The following CDH18 variants were observed in gnomAD, a reference collection of about 807,000 sequenced individuals.
CDH18 encodes cadherin 18.
A neutral mutation model predicts 67.9 loss-of-function variants in CDH18; 31 were observed. That is an observed-to-expected ratio of 0.46 (90% CI 0.34 to 0.62). The LOEUF (loss-of-function observed/expected upper bound fraction) is 0.62. Ranked by LOEUF, CDH18 falls within the 20% of genes least tolerant of loss-of-function variation. The pLI is 0.01. For synonymous variants in CDH18, 362 were observed against 347.2 expected, an observed-to-expected ratio of 1.04 and a Z score of -0.48; for missense variants, 890 against 975.5, an observed-to-expected ratio of 0.91 and a Z score of 1.17.
chr5:20,565,571 T>C (rs974736546), intron 1 of CDH18, among the ~76,000 whole-genome samples: 6 of 152,036 alleles, frequency 3.9e-5, no homozygotes, highest in Admixed American at 2.0e-4. Context: ...AATGTTTAAA[T>C]TGGTGCTTGA....
At chr5:20,489,855 T>C (rs1279226520) in intron 1 of CDH18, among the ~76,000 whole-genome samples, 1 of 151,812 alleles carries the variant, frequency 6.6e-6, no homozygotes, top group Admixed American at 6.6e-5. Context: ...TATTCAAGCT[T>C]TTTTTAATGC....
intron 1 of CDH18, among the ~76,000 whole-genome samples, chr5:20,361,923 A>G (rs1742118783): frequency 1.3e-5 from 2 of 152,186 alleles, no homozygotes; most frequent in Non-Finnish European, 2.9e-5. Context: ...AAAGAATATC[A>G]GTAAACGTTT....
At chr5:20,405,715 T>C (rs1207904983) in intron 1 of CDH18, among the ~76,000 whole-genome samples, 4 of 152,126 alleles carry the variant, frequency 2.6e-5, no homozygotes, top group African/African-American at 9.7e-5. Context: ...ATCCAGAATC[T>C]ACAAAGAACT....
chr5:19,693,494 A>T (rs888434248), intron 5 of CDH18, among the ~76,000 whole-genome samples: 1 of 152,294 alleles, frequency 6.6e-6, no homozygotes, highest in East Asian at 1.9e-4. Flanking sequence ...CTCTTCATAT[A>T]TCCATTCTGG....
At chr5:20,198,916 C>T (rs1375896095) in intron 2 of CDH18, among the ~76,000 whole-genome samples, 4 of 152,226 alleles carry the variant, frequency 2.6e-5, no homozygotes, top group Admixed American at 6.5e-5. Context: ...ACAGCTTCCA[C>T]ATGGTGTTGG....
At chr5:19,566,122 G>T (rs1484617087) in intron 8 of CDH18, among the ~76,000 whole-genome samples, 1 of 151,988 alleles carries the variant, frequency 6.6e-6, no homozygotes, top group Non-Finnish European at 1.5e-5. Flanking sequence ...ATATAAAAAG[G>T]TGCTTAACAT....
chr5:20,542,387 T>G (rs115555740), intron 1 of CDH18, among the ~76,000 whole-genome samples: 1,842 of 151,554 alleles, frequency 0.012, 30 homozygotes, highest in African/African-American at 0.042. Flanking sequence ...ATCCCCATCA[T>G]GGTCTTGTGG....
At chr5:20,231,191 C>T (rs529748938) in intron 2 of CDH18, among the ~76,000 whole-genome samples, 9 of 152,286 alleles carry the variant, frequency 5.9e-5, no homozygotes, top group Admixed American at 2.0e-4. Context: ...AGCTTTGCAA[C>T]ATTTAAAATA....
intron 1 of CDH18, among the ~76,000 whole-genome samples, chr5:19,985,952 G>C (rs917296290): frequency 6.6e-6 from 1 of 152,146 alleles, no homozygotes; most frequent in Non-Finnish European, 1.5e-5. Context: ...TCAGGTTGCA[G>C]ATACTTAAGG....
rs144163022 is a variant in CDH18, at chr5:19,794,877, G to A, written c.228+43882C>T. Among the ~76,000 whole-genome samples the A allele has an allele frequency of 2.6e-4, 39 of 152,146 alleles. No homozygotes were observed. The East Asian group carries it at 5.2e-3, about 20-fold the overall frequency. ...ACAAGTACAATTATAAACCCTGGAA[G>A]TCACACAAGGGACAAATGTAAGTGA... On this transcript the variant is annotated intron_variant, in intron 3 of 12. Coordinates refer to ENST00000382275, the MANE Select transcript of CDH18 (RefSeq NM_004934.5).
intron 2 of CDH18, among the ~76,000 whole-genome samples, chr5:20,235,298 G>A (rs1742386797): frequency 6.6e-6 from 1 of 151,990 alleles, no homozygotes. Flanking sequence ...TTAAACCAAA[G>A]AGCTTCTGGA....
rs763205760 is a variant in CDH18, at chr5:19,811,144, A to G, written c.228+27615T>C. ...AAAGAAAGAAAGAAAGAAAGAAAGAAAGAAAGAAAGAAAGAAGGAGAGAAA... is the reference window on the plus strand; with the variant it reads ...AAAGAAAGAAAGAAAGAAAGAAAGAGAGAAAGAAAGAAAGAAGGAGAGAAA... On this transcript the variant is annotated intron_variant, in intron 3 of 12. Coordinates refer to ENST00000382275, the MANE Select transcript of CDH18 (RefSeq NM_004934.5). Among the ~76,000 whole-genome samples the G allele has an allele frequency of 8.9e-4, 91 of 101,802 alleles. 5 individuals are homozygous for G. The highest frequency in any genetic ancestry group is 1.6e-3 in the African/African-American group (39 of 24,754). 66.8% of individuals were successfully genotyped at this position (101,802 alleles called of 152,430 possible). A position where few individuals can be genotyped will look rare whatever the true frequency, so the allele number is the denominator to read the frequency against.
intron 10 of CDH18, among the ~76,000 whole-genome samples, chr5:19,510,833 C>T (rs1319463862): frequency 6.8e-6 from 1 of 148,036 alleles, no homozygotes; most frequent in African/African-American, 2.5e-5. Context: ...TTTTCTGAGA[C>T]CAAGTTTTGC....
chr5:19,741,990 A>G (rs1769271237), intron 4 of CDH18, among the ~76,000 whole-genome samples: 1 of 152,214 alleles, frequency 6.6e-6, no homozygotes, highest in Non-Finnish European at 1.5e-5. Flanking sequence ...CTAGAAGAAT[A>G]TAATTCCCTA....
At chr5:20,238,960 A>T (rs1280938762) in intron 2 of CDH18, among the ~76,000 whole-genome samples, 1 of 152,158 alleles carries the variant, frequency 6.6e-6, no homozygotes, top group Non-Finnish European at 1.5e-5. Context: ...ATACCTCTTG[A>T]TAGATACATG....
intron 1 of CDH18, among the ~76,000 whole-genome samples, chr5:20,364,520 AGG>A (rs2150075878): frequency 6.6e-6 from 1 of 152,294 alleles, no homozygotes; most frequent in Non-Finnish European, 1.5e-5. Context: ...TTGAGAGTCT[AGG>A]TTTTAGAACA....
At chr5:19,633,714 C>T (rs576687796) in intron 5 of CDH18, among the ~76,000 whole-genome samples, 120 of 152,222 alleles carry the variant, frequency 7.9e-4, no homozygotes, top group Middle Eastern at 3.4e-3. Context: ...ACTGCAACCT[C>T]TGCCTCCCAG....
At chr5:19,664,333 C>T (rs972865560) in intron 5 of CDH18, among the ~76,000 whole-genome samples, 1 of 151,830 alleles carries the variant, frequency 6.6e-6, no homozygotes, top group Non-Finnish European at 1.5e-5. Flanking sequence ...TTTAGAAGCA[C>T]TCTATAAACT....
chr5:20,433,231 A>AAT (rs149634704), intron 1 of CDH18, among the ~76,000 whole-genome samples: 6,227 of 149,444 alleles, frequency 0.042, 183 homozygotes, highest in East Asian at 0.17. Flanking sequence ...GTTAAGGTAA[A>AAT]ATATATATAT....
Sources: allele counts gnomAD v4.1 joint callset (sites outside exome capture counted in the v4.1 genomes callset), GRCh38; gene constraint gnomAD v4.1.1; transcripts MANE v1.5; gene names NCBI Gene and HGNC (gene_info 2026-07-23, HGNC 2026-07-21).